DCAF8L2: variants seen among roughly 807,000 people sequenced by gnomAD.
The protein encoded by DCAF8L2 is DDB1- and CUL4-associated factor 8-like protein 2.
For synonymous variants in DCAF8L2, 200 were observed against 190.9 expected, an observed-to-expected ratio of 1.05 and a Z score of -0.39; for missense variants, 430 against 490.7, an observed-to-expected ratio of 0.88 and a Z score of 1.17.
intron 1 of DCAF8L2, among the ~76,000 whole-genome samples, chrX:27,613,064 G>T (rs922280332): frequency 1.8e-5 from 2 of 111,526 alleles, no homozygotes; most frequent in African/African-American, 6.5e-5. Flanking sequence ...TCACAATATT[G>T]ATTCTTCCTA....
intron 2 of DCAF8L2, among the ~76,000 whole-genome samples, chrX:27,661,783 G>A (rs934057226): frequency 9.0e-6 from 1 of 111,355 alleles, no homozygotes; most frequent in Non-Finnish European, 1.9e-5. Flanking sequence ...ACAGTAATAC[G>A]CCTTTCTCAC....
chrX:27,621,861 T>G lies in DCAF8L2; in HGVS notation c.-341-10018T>G, dbSNP rs1176573061. Reference sequence around the variant, plus strand: ...TAAACAAAATTAGCCAGATGCGGTGTCAGATGCCTGTAGTCCCAGCTACTC... The same window carrying G: ...TAAACAAAATTAGCCAGATGCGGTGGCAGATGCCTGTAGTCCCAGCTACTC... On this transcript the variant is annotated intron_variant, in intron 1 of 4. Transcript: ENST00000451261. Among the ~76,000 whole-genome samples, 5 of 109,786 alleles carry G rather than the reference T, an allele frequency of 4.6e-5. No individual in the cohort carries two copies. In the East Asian group the frequency reaches 1.2e-3, roughly 25 times the overall value.
At chrX:27,731,201 C>T (rs977138808) in intron 4 of DCAF8L2, among the ~76,000 whole-genome samples, 32 of 109,049 alleles carry the variant, frequency 2.9e-4, no homozygotes, top group African/African-American at 1.1e-3. Flanking sequence ...CTCCTGAGTT[C>T]GAGAACAGCC....
intron 3 of DCAF8L2, among the ~76,000 whole-genome samples, chrX:27,686,609 T>C (rs1930517025): frequency 1.8e-5 from 2 of 111,315 alleles, no homozygotes; most frequent in African/African-American, 6.5e-5. Context: ...GGTTAGTTAA[T>C]GGCCATAAAT....
the DCAF8L2 span, among the ~76,000 whole-genome samples, chrX:27,578,908 A>C: frequency 1.9e-4 from 20 of 105,713 alleles, no homozygotes; most frequent in Non-Finnish European, 2.0e-5. Context: ...AAAAAAAAAA[A>C]CAGATGCTGG....
chrX:27,497,695 A>T, the DCAF8L2 span, among the ~76,000 whole-genome samples: 5 of 110,515 alleles, frequency 4.5e-5, no homozygotes, highest in East Asian at 1.4e-3. Flanking sequence ...CAGCCTCCCG[A>T]GTAGCTGGGA....
At chrX:27,475,793 A>C in the DCAF8L2 span, among the ~76,000 whole-genome samples, 2 of 112,314 alleles carry the variant, frequency 1.8e-5, no homozygotes, top group Non-Finnish European at 3.8e-5. Context: ...ATTGTCAGTG[A>C]TTAGACATTT....
intron 4 of DCAF8L2, among the ~76,000 whole-genome samples, chrX:27,742,120 A>C (rs926591103): frequency 2.7e-5 from 3 of 112,308 alleles, no homozygotes; most frequent in Admixed American, 9.4e-5. Flanking sequence ...TCTTCTCTTT[A>C]GGTTCACAGA....
At chrX:27,740,927 A>T (rs1158658308) in intron 4 of DCAF8L2, among the ~76,000 whole-genome samples, 3 of 111,260 alleles carry the variant, frequency 2.7e-5, no homozygotes, top group African/African-American at 9.8e-5. Context: ...TATACTACAT[A>T]CTCCATGAGT....
chrX:27,646,650 A>G (rs1928949126), intron 2 of DCAF8L2, among the ~76,000 whole-genome samples: 1 of 111,504 alleles, frequency 9.0e-6, no homozygotes, highest in Admixed American at 9.6e-5. Flanking sequence ...AATTTTTGCA[A>G]TCTATCCATC....
At chrX:27,524,620 T>C in the DCAF8L2 span, among the ~76,000 whole-genome samples, 1 of 109,954 alleles carries the variant, frequency 9.1e-6, no homozygotes, top group Non-Finnish European at 1.9e-5. Context: ...AATTGTGATG[T>C]TAGGGTGTCA....
At chrX:27,619,835 A>G (rs1253792493) in intron 1 of DCAF8L2, among the ~76,000 whole-genome samples, 2 of 111,155 alleles carry the variant, frequency 1.8e-5, no homozygotes, top group Non-Finnish European at 3.8e-5. Flanking sequence ...TAAAAACTGC[A>G]TGATAAAAAA....
At chrX:27,525,178 G>C in the DCAF8L2 span, among the ~76,000 whole-genome samples, 1 of 111,347 alleles carries the variant, frequency 9.0e-6, no homozygotes, top group Non-Finnish European at 1.9e-5. Context: ...TCTCTTTGTA[G>C]GTCTCTAAGG....
At chrX:27,598,495 G>A (rs148807879) in intron 1 of DCAF8L2, among the ~76,000 whole-genome samples, 3 of 112,345 alleles carry the variant, frequency 2.7e-5, no homozygotes, top group Non-Finnish European at 5.6e-5. Flanking sequence ...CCCGCTAGCC[G>A]GGCTGTAAAG....
intron 4 of DCAF8L2, among the ~76,000 whole-genome samples, chrX:27,734,873 C>T (rs1032553997): frequency 2.7e-5 from 3 of 111,543 alleles, no homozygotes; most frequent in South Asian, 3.7e-4. Context: ...CAATAACTGG[C>T]GAAAAGCAAA....
At chrX:27,545,101 T>C in the DCAF8L2 span, among the ~76,000 whole-genome samples, 1 of 111,557 alleles carries the variant, frequency 9.0e-6, no homozygotes, top group East Asian at 2.8e-4. Context: ...AAAACATGGC[T>C]TCAGGATACA....
At chrX:27,604,210 C>T (rs185127768) in intron 1 of DCAF8L2, among the ~76,000 whole-genome samples, 1 of 111,146 alleles carries the variant, frequency 9.0e-6, no homozygotes, top group African/African-American at 3.3e-5. Context: ...CTTTGGGGGC[C>T]TGATCTTTCT....
the DCAF8L2 span, among the ~76,000 whole-genome samples, chrX:27,485,924 C>G: frequency 5.1e-5 from 3 of 58,839 alleles, no homozygotes; most frequent in African/African-American, 1.9e-4. Context: ...TTCTTTTTCT[C>G]TTTTTTTTTT....
the DCAF8L2 span, among the ~76,000 whole-genome samples, chrX:27,533,164 G>A: frequency 0.012 from 203 of 17,338 alleles, 17 homozygotes; most frequent in East Asian, 0.068. Context: ...GAGAGAGAGA[G>A]AGAAAGAAAG....
Sources: gnomAD v4.1 joint callset for allele counts (sites outside exome capture counted in the v4.1 genomes callset) on GRCh38, gnomAD v4.1.1 for gene constraint, MANE v1.5 for transcripts, NCBI Gene and HGNC (gene_info 2026-07-23, HGNC 2026-07-21) for gene names.